Variants in BMP1 observed in about 807,000 individuals in gnomAD.
The protein encoded by BMP1 is mammalian tolloid protein.
Under a neutral mutation model 116.8 loss-of-function variants are expected in BMP1, and 63 were observed. The observed-to-expected ratio is 0.54, with a 90% CI of 0.44 to 0.67. The LOEUF (loss-of-function observed/expected upper bound fraction) is 0.67, where lower values mean the gene tolerates loss of function less well. Among genes scored for constraint, BMP1 ranks in the 30% least tolerant of loss-of-function variants. The probability of loss-of-function intolerance (pLI) is 0.00; values close to 1 mark genes in which losing one functional copy is unlikely to be tolerated. For synonymous variants in BMP1, 536 were observed against 533.4 expected, an observed-to-expected ratio of 1.00 and a Z score of -0.07; for missense variants, 1,183 against 1,358.9, an observed-to-expected ratio of 0.87 and a Z score of 2.04.
Position 22,201,858 on chromosome 8 carries a change from G to T in BMP1, c.2163G>T (p.Thr721=). The T allele has an allele frequency of 6.2e-7, 1 of 1,613,836 alleles. No homozygotes were observed. Among genetic ancestry groups the T allele is most frequent in the African/African-American group, 1.3e-5 (1 of 75,054 alleles). ...NGGCQQDCVN[T]FGSYECQCRS... ...GCTGCCAGCAGGACTGCGTCAACAC[G>T]TTCGGCAGTTATGAGTGCCAATGCC... Residue 721 remains threonine, a synonymous_variant, in exon 16 of 20, where the codon ACG becomes ACT. Transcript: ENST00000306385.
intron 15 of BMP1, chr8:22,198,957 A>G (rs1829171418): frequency 7.9e-7 from 1 of 1,273,554 alleles, no homozygotes; most frequent in African/African-American, 1.5e-5. Context: ...CACTCGGGGC[A>G]GGCTCTGCCC....
At chr8:22,195,043 C>T (rs1829042469) in intron 12 of BMP1, 124 bp downstream of exon 12, 3 of 1,079,894 alleles carry the variant, frequency 2.8e-6, no homozygotes, top group Non-Finnish European at 2.6e-6. Context: ...CAGGGCTGTG[C>T]CCTTAAGGAG....
chr8:22,195,901 G>A (rs985952092), intron 13 of BMP1, among the ~76,000 whole-genome samples: 6 of 151,558 alleles, frequency 4.0e-5, no homozygotes, highest in East Asian at 3.9e-4. Flanking sequence ...CTCCTGCCTC[G>A]GCCTCCCAAA....
chr8:22,188,198 T>C (rs995017928), intron 8 of BMP1, among the ~76,000 whole-genome samples: 36 of 149,746 alleles, frequency 2.4e-4, no homozygotes, highest in South Asian at 2.1e-4. Context: ...TTTTTTTTTT[T>C]CTGAGACAGA....
rs544897364 is a variant in BMP1 at position 22,179,570 on chromosome 8, C to T, written c.837-135C>T. 1.2e-5 allele frequency: 18 copies of T among 1,494,982 alleles called. No individual in the cohort carries two copies. The highest frequency in any genetic ancestry group is 3.6e-5 in the South Asian group (3 of 82,416). 92.6% of individuals were successfully genotyped at this position (1,494,982 alleles called of 1,614,324 possible). A position where few individuals can be genotyped will look rare whatever the true frequency, so the allele number is the denominator to read the frequency against. Reference sequence around the variant, plus strand: ...GCATAATGACAGGGTGAGACGACTCCACCCGGCCCTGACCCTGCTGAGGAA... The same window carrying T: ...GCATAATGACAGGGTGAGACGACTCTACCCGGCCCTGACCCTGCTGAGGAA... On this transcript the variant is annotated intron_variant, in intron 6 of 19. Transcript: ENST00000306385. This position sits in a 1 kb window ranked among gnomAD's most constrained non-coding sequence, Gnocchi z 4.6.
chr8:22,211,656 C>T lies in BMP1; in HGVS notation c.2889C>T (p.Thr963=). The T allele has an allele frequency of 6.2e-7, 1 of 1,614,152 alleles. No individual in the cohort carries two copies. Among genetic ancestry groups the T allele is most frequent in the Non-Finnish European group, 8.5e-7 (1 of 1,180,008 alleles). ...TGGTGAAGTTCCACTCGGATGACAC[C>T]ATCACCAAAAAAGGTTTCCACCTGC... ...SVLVKFHSDD[T]ITKKGFHLRY... is the part of the protein sequence containing the mutation. The change falls in exon 20 of 20, where the codon ACC becomes ACT. Residue 963 remains threonine, a synonymous_variant. Transcript: ENST00000306385.
chr8:22,184,163 A>C (rs866717164), intron 8 of BMP1, among the ~76,000 whole-genome samples: 2 of 152,234 alleles, frequency 1.3e-5, no homozygotes, highest in African/African-American at 4.8e-5. Flanking sequence ...GTACAGATGC[A>C]CAAGACGGTC....
At chr8:22,201,501 C>T in intron 15 of BMP1, 1 of 1,400,968 alleles carries the variant, frequency 7.1e-7, no homozygotes, top group Non-Finnish European at 9.2e-7. Context: ...GTCCATGTGT[C>T]TATTTTTCCA....
chr8:22,209,407 G>A (rs555296166), intron 18 of BMP1, 38 bp from the exon 19 acceptor site: 48 of 1,605,262 alleles, frequency 3.0e-5, no homozygotes, highest in East Asian at 8.9e-5. Flanking sequence ...TGGCACCTGC[G>A]GTGCTCAGGG....
At chr8:22,176,846 C>A in intron 4 of BMP1, 115 bp from the exon 5 acceptor site, 4 of 1,000,244 alleles carry the variant, frequency 4.0e-6, no homozygotes, top group Non-Finnish European at 5.9e-6. Flanking sequence ...GTGCTCAGGG[C>A]CCACCCCTCC....
At chr8:22,191,796 A>T (rs1234752051) in intron 8 of BMP1, among the ~76,000 whole-genome samples, 3 of 152,204 alleles carry the variant, frequency 2.0e-5, no homozygotes, top group African/African-American at 7.2e-5. Flanking sequence ...GACTATGAAG[A>T]GAGCTGGAGC....
intron 15 of BMP1, among the ~76,000 whole-genome samples, chr8:22,200,610 G>A (rs1323968462): frequency 6.6e-6 from 1 of 152,160 alleles, no homozygotes; most frequent in African/African-American, 2.4e-5. Flanking sequence ...GTGTGCACAT[G>A]TATGTGTGTG....
chr8:22,208,223 C>T lies in BMP1; in HGVS notation c.2575+707C>T, dbSNP rs552889612. On this transcript the variant is annotated intron_variant, in intron 18 of 19. Coordinates refer to ENST00000306385, the MANE Select transcript of BMP1 (RefSeq NM_006129.5). ...TTATTGACATGTAACATGGATGAGG[C>T]GGCATCCTAAATGCAGGTCCCAGAA... Among the ~76,000 whole-genome samples the T allele has an allele frequency of 2.6e-5, 4 of 152,302 alleles. No individual in the cohort carries two copies. In the East Asian group the frequency reaches 5.8e-4, roughly 22 times the overall value.
At chr8:22,203,676 CA>C (rs1355408072) in intron 16 of BMP1, among the ~76,000 whole-genome samples, 1 of 152,214 alleles carries the variant, frequency 6.6e-6, no homozygotes, top group Middle Eastern at 3.2e-3. Flanking sequence ...GTTAGGTTGA[CA>C]ACCCAGGTTT....
intron 8 of BMP1, 37 bp downstream of exon 8, chr8:22,180,520 C>T: frequency 1.3e-6 from 2 of 1,580,662 alleles, no homozygotes; most frequent in Non-Finnish European, 1.7e-6. Context: ...TCCCCCTCCC[C>T]TGCGGGTCCC....
chr8:22,186,055 C>T (rs1363625532), intron 8 of BMP1, among the ~76,000 whole-genome samples: 13 of 151,936 alleles, frequency 8.6e-5, no homozygotes, highest in African/African-American at 2.4e-4. Flanking sequence ...AGGCTGGTCT[C>T]GGACTCCTGA....
intron 18 of BMP1, among the ~76,000 whole-genome samples, chr8:22,207,740 G>C (rs1829390711): frequency 6.6e-6 from 1 of 152,222 alleles, no homozygotes; most frequent in Admixed American, 6.5e-5. Flanking sequence ...ATGGACAGGA[G>C]AGGTGAGGGA....
Position 22,194,011 on chromosome 8 carries a change from G to T in BMP1, c.1181-47G>T. Reference sequence around the variant, plus strand: ...CCTGGAGAGGTGGGGCCTCTATAGGGGGTGTCCTCAGGGTTCACCACTCTT... The same window carrying T: ...CCTGGAGAGGTGGGGCCTCTATAGGTGGTGTCCTCAGGGTTCACCACTCTT... On this transcript the variant is annotated intron_variant, in intron 9 of 19. Transcript: ENST00000306385. This position sits in a 1 kb window ranked among gnomAD's most constrained non-coding sequence, Gnocchi z 4.5. 6.7e-7 allele frequency: 1 copy of T among 1,501,680 alleles called. No homozygotes were observed. The highest frequency in any genetic ancestry group is 9.3e-7 in the Non-Finnish European group (1 of 1,078,560). 93.0% of individuals were successfully genotyped at this position (1,501,680 alleles called of 1,614,324 possible).
chr8:22,201,904 GACA>G lies in BMP1; in HGVS notation c.2214_2216del (p.Asn738del), dbSNP rs764490877. ...ATGCCGCAGTGGCTTCGTCCTCCAT[GACA>G]ACAAGCACGACTGCAAAGAAGGTAC... On this transcript the variant is annotated inframe_deletion, in exon 16 of 20. Coordinates refer to ENST00000306385, the MANE Select transcript of BMP1 (RefSeq NM_006129.5). 53 of 1,613,646 alleles carry G rather than the reference GACA, an allele frequency of 3.3e-5. No individual in the cohort carries two copies. In the South Asian group the frequency reaches 5.3e-4, roughly 16 times the overall value.
Sources: allele counts gnomAD v4.1 joint callset (sites outside exome capture counted in the v4.1 genomes callset), GRCh38; gene constraint gnomAD v4.1.1; non-coding constraint Gnocchi (gnomAD v3.1); transcripts MANE v1.5; gene names NCBI Gene and HGNC (gene_info 2026-07-23, HGNC 2026-07-21).